TLR5: variants seen among roughly 807,000 people sequenced by gnomAD.
TLR5 encodes toll-like receptor 5.
For synonymous variants in TLR5, 373 were observed against 384.4 expected (o/e 0.97, Z 0.35); for missense variants, 944 against 999.8 (o/e 0.94, Z 0.75).
At chr1:223,137,456 T>C (rs1413085326) in intron 2 of TLR5, among the ~76,000 whole-genome samples, 193 bp from the exon 3 acceptor site, 1 of 152,182 alleles carries the variant, frequency 6.6e-6, no homozygotes, top group African/African-American at 2.4e-5. Flanking sequence ...GTGTTATTAA[T>C]TTGTGCACAG....
In TLR5 at chr1:223,140,943, T is replaced by C. The variant is rs374100340; in HGVS notation, c.-439+705A>G. 4.6e-5 allele frequency among the ~76,000 whole-genome samples: 7 copies of C among 152,246 alleles called. No individual in the cohort carries two copies. The East Asian group carries it at 9.6e-4, about 21-fold the overall frequency. ...AGGAGCTTTTGGACAGCAGGGACTATGCCTCAAACTTGGGTTTGTCCCAGA... is the reference window on the plus strand; with the variant it reads ...AGGAGCTTTTGGACAGCAGGGACTACGCCTCAAACTTGGGTTTGTCCCAGA... On this transcript the variant is annotated intron_variant, in intron 2 of 5. Transcript: ENST00000642603.
chr1:223,111,295 G>T lies in TLR5; in HGVS notation c.1737C>A (p.Asn579Lys). 6.2e-7 allele frequency: 1 copy of T among 1,614,100 alleles called. No homozygotes were observed. The highest frequency in any genetic ancestry group is 8.5e-7 in the Non-Finnish European group (1 of 1,180,014). ...TAAGTTCACATTCACAAATGAACTTGTTATGAGTTATATCCAAGACACTAA... is the reference window on the plus strand; with the variant it reads ...TAAGTTCACATTCACAAATGAACTTTTTATGAGTTATATCCAAGACACTAA... ...VSLSVLDITHNKFICECELST... is the reference protein window; with the variant it reads ...VSLSVLDITHKKFICECELST... The change falls in exon 6 of 6, where the codon AAC becomes AAA. Residue 579 changes from asparagine (N) to lysine (K), a missense_variant. Transcript: ENST00000642603.
chr1:223,111,877 T>C lies in TLR5; in HGVS notation c.1155A>G (p.Lys385=), dbSNP rs1218658444. The C allele has an allele frequency of 1.9e-6, 3 of 1,613,802 alleles. No homozygotes were observed. The Admixed American group carries it at 5.0e-5, about 27-fold the overall frequency. ...TGTCTCGGAGATCCAAGGTCTGTAA[T>C]TTTTCCAGGAATTTGAATGTTTGGT... ...IQDQTFKFLE[K]LQTLDLRDNA... The change falls in exon 6 of 6, where the codon AAA becomes AAG. Residue 385 remains lysine (K), a synonymous_variant. Coordinates refer to ENST00000642603, the MANE Select transcript of TLR5 (RefSeq NM_003268.6).
intron 2 of TLR5, among the ~76,000 whole-genome samples, chr1:223,140,491 G>GTTGC (rs1657793687): frequency 6.7e-6 from 1 of 149,016 alleles, no homozygotes. Context: ...AGGTTGCAGT[G>GTTGC]AGCCAAGATC....
At chr1:223,132,394 C>CTGTGAGTCAATTAAACTTCTTTCCTTTAT in intron 5 of TLR5, 81 bp downstream of exon 5, 1 of 152,146 alleles carries the variant, frequency 6.6e-6, no homozygotes, top group Admixed American at 6.6e-5. Context: ...TATATATGTA[C>CTGTGAGTCAATTAAACTTCTTTCCTTTAT]AAATATGCAT....
chr1:223,141,082 C>T (rs1036233433), intron 2 of TLR5, among the ~76,000 whole-genome samples: 1 of 152,208 alleles, frequency 6.6e-6, no homozygotes, highest in Non-Finnish European at 1.5e-5. Flanking sequence ...TTCTTTTCCA[C>T]AATGTTAAGA....
intron 5 of TLR5, chr1:223,123,847 G>C (rs1368567691): frequency 6.6e-6 from 1 of 152,226 alleles, no homozygotes; most frequent in Non-Finnish European, 1.5e-5. Context: ...ACGCTGTTGA[G>C]GTTGCCGCTG....
At chr1:223,117,347 C>T (rs970183216) in intron 5 of TLR5, among the ~76,000 whole-genome samples, 5 of 151,934 alleles carry the variant, frequency 3.3e-5, no homozygotes, top group Admixed American at 1.3e-4. Flanking sequence ...GCAGAGGGAT[C>T]CTGCTCCGGC....
At position 223,124,309 on chromosome 1, in the gene TLR5, G is replaced by A. The variant is rs141691541; in HGVS notation, c.-5+8166C>T. On this transcript the variant is annotated intron_variant, in intron 5 of 5. Transcript: ENST00000642603. ...AATTCAAAAATTAGCTGTGTGTGGT[G>A]GTGGGTGCCTGTAATTCCAGCTACT... Among the ~76,000 whole-genome samples, 1,078 of 152,170 alleles carry A rather than the reference G, an allele frequency of 7.1e-3. 18 individuals are homozygous for A. The highest frequency in any genetic ancestry group is 0.023 in the African/African-American group (973 of 41,500).
intron 1 of TLR5, 59 bp from the exon 2 acceptor site, chr1:223,141,822 T>TAGAGAGAGAGAGAGAGAG (rs71592351): frequency 2.3e-5 from 1 of 42,992 alleles, no homozygotes; most frequent in African/African-American, 9.4e-5. Context: ...TATATATATA[T>TAGAGAGAGAGAGAGAGAG]AGAGAGAGAG....
At chr1:223,139,673 T>C (rs907501769) in intron 2 of TLR5, among the ~76,000 whole-genome samples, 2 of 152,090 alleles carry the variant, frequency 1.3e-5, no homozygotes, top group African/African-American at 4.8e-5. Flanking sequence ...TGGTGGAAGA[T>C]GAGGCTAAAG....
intron 5 of TLR5, among the ~76,000 whole-genome samples, chr1:223,118,497 A>G (rs1264792174): frequency 1.3e-5 from 2 of 151,392 alleles, no homozygotes; most frequent in East Asian, 3.9e-4. Context: ...CAGTGAGCTG[A>G]GCTTGTGCCA....
chr1:223,113,853 G>A (rs908036383), intron 5 of TLR5, among the ~76,000 whole-genome samples: 2 of 152,220 alleles, frequency 1.3e-5, no homozygotes, highest in Non-Finnish European at 2.9e-5. Context: ...AAAACAGCAG[G>A]AAGAGACACA....
At chr1:223,141,241 G>C (rs967932301) in intron 2 of TLR5, 2 of 152,100 alleles carry the variant, frequency 1.3e-5, no homozygotes, top group African/African-American at 2.4e-5. Flanking sequence ...AATGAACAAC[G>C]GAGGCACTGT....
rs72748478 is a variant in TLR5, at chr1:223,120,045, G to T, written c.-4-7010C>A. On this transcript the variant is annotated intron_variant, in intron 5 of 5. Transcript: ENST00000642603. ...AAAGATATCAACACAACAGATAGCA[G>T]GACCTGAAAGAAATTTAAATATTTT... Among the ~76,000 whole-genome samples, 10 of 142,630 alleles carry T rather than the reference G, an allele frequency of 7.0e-5. No individual in the cohort carries two copies. The South Asian group carries it at 2.3e-3, about 33-fold the overall frequency. 93.6% of individuals were successfully genotyped at this position (142,630 alleles called of 152,430 possible). A position where few individuals can be genotyped will look rare whatever the true frequency, so the allele number is the denominator to read the frequency against.
chr1:223,126,645 G>A (rs903557727), intron 5 of TLR5, among the ~76,000 whole-genome samples: 1 of 152,170 alleles, frequency 6.6e-6, no homozygotes, highest in Non-Finnish European at 1.5e-5. Context: ...TTACTCTGAA[G>A]CTAGTGGTCT....
Position 223,112,239 on chromosome 1 carries a change from T to A in TLR5, c.793A>T (p.Met265Leu), listed in dbSNP as rs1172009561. The A allele has an allele frequency of 3.7e-6, 6 of 1,614,182 alleles. No homozygotes were observed. The African/African-American group carries it at 8.0e-5, about 22-fold the overall frequency. ...TTATGGAAGCCAAACCCGGCACCCA[T>A]GATGTGGTGGGCAAGAATCAAAGAG... ...AFSLILAHHI[M>L]GAGFGFHNIK... Residue 265 changes from methionine to leucine, a missense_variant, in exon 6 of 6, where the codon ATG (methionine) becomes TTG (leucine). Met to Leu is a conservative substitution (Grantham distance 15, BLOSUM62 2). Coordinates refer to ENST00000642603, the MANE Select transcript of TLR5 (RefSeq NM_003268.6).
intron 2 of TLR5, among the ~76,000 whole-genome samples, chr1:223,137,997 C>T (rs938559700): frequency 3.6e-5 from 4 of 112,454 alleles, no homozygotes; most frequent in African/African-American, 1.4e-4. Context: ...CTCACTGTAT[C>T]ACCCAGACTG....
chr1:223,110,518 C>T lies in TLR5; in HGVS notation c.2514G>A (p.Lys838=). 1 of 1,613,916 alleles carries T rather than the reference C, an allele frequency of 6.2e-7. No homozygotes were observed. Among genetic ancestry groups the T allele is most frequent in the Non-Finnish European group, 8.5e-7 (1 of 1,179,960 alleles). ...FLHKLSQQIL[K]KEKEKKKDNN... ...TGTCTTTCTTCTTTTCTTTTTCTTT[C>T]TTTAGTATCTGTTGAGAGAGTTTAT... Residue 838 remains lysine (K), a synonymous_variant, in exon 6 of 6, where the codon AAG becomes AAA. Transcript: ENST00000642603.
Sources: allele counts gnomAD v4.1 joint callset (sites outside exome capture counted in the v4.1 genomes callset), GRCh38; gene constraint gnomAD v4.1.1; transcripts MANE v1.5; gene names NCBI Gene and HGNC (gene_info 2026-07-23, HGNC 2026-07-21).